BCL11A: variants seen among roughly 807,000 people sequenced by gnomAD.
BCL11A encodes BCL11 transcription factor A.
BCL11A carries 2 observed loss-of-function variants against 55.9 expected under a neutral mutation model. The observed-to-expected ratio is 0.04, with a 90% CI of 0.01 to 0.11. BCL11A has a LOEUF of 0.11. Among genes scored for constraint, BCL11A ranks in the 10% least tolerant of loss-of-function variants. The pLI is 1.00. For missense variants in BCL11A, 817 were observed against 1,137.1 expected, an observed-to-expected ratio of 0.72 and a Z score of 4.05; for synonymous variants, 465 against 473.4, an observed-to-expected ratio of 0.98 and a Z score of 0.23.
chr2:60,534,245 G>T, intron 2 of BCL11A: 1 of 152,416 alleles, frequency 6.6e-6, no homozygotes. Context: ...TTGGTGATGA[G>T]GGGAGGACAC....
chr2:60,462,558 C>T (rs1362929789), intron 3 of BCL11A, 134 bp from the exon 4 acceptor site: 17 of 1,417,750 alleles, frequency 1.2e-5, no homozygotes, highest in Non-Finnish European at 1.2e-5. Context: ...CACTGACCTA[C>T]CCCCTGTGCC....
intron 2 of BCL11A, among the ~76,000 whole-genome samples, chr2:60,510,172 C>G (rs1024343351): frequency 3.9e-5 from 6 of 152,218 alleles, no homozygotes; most frequent in Non-Finnish European, 8.8e-5. Context: ...AAGAGACTCT[C>G]TGGAAGCGCA....
intron 2 of BCL11A, among the ~76,000 whole-genome samples, chr2:60,481,900 C>A (rs760292066): frequency 4.6e-5 from 7 of 152,210 alleles, no homozygotes; most frequent in Non-Finnish European, 1.0e-4. Flanking sequence ...ACACAGACAG[C>A]CCCATGGAAA....
chr2:60,479,073 C>T (rs1303357373), intron 2 of BCL11A, among the ~76,000 whole-genome samples: 2 of 152,102 alleles, frequency 1.3e-5, no homozygotes, highest in African/African-American at 4.8e-5. Flanking sequence ...TGGAGATGCC[C>T]GCAGATACAA....
intron 2 of BCL11A, among the ~76,000 whole-genome samples, chr2:60,502,232 T>A (rs1679331627): frequency 6.6e-6 from 1 of 152,258 alleles, no homozygotes; most frequent in Non-Finnish European, 1.5e-5. Flanking sequence ...CAGTTTATGA[T>A]CCTGCTTTGT....
chr2:60,471,388 G>A (rs895187964), intron 2 of BCL11A, among the ~76,000 whole-genome samples: 4 of 152,250 alleles, frequency 2.6e-5, no homozygotes, highest in African/African-American at 9.6e-5. Context: ...GGGGACCCCA[G>A]CTGATTCTGC....
chr2:60,534,977 G>A (rs917972908), intron 2 of BCL11A: 5 of 152,120 alleles, frequency 3.3e-5, no homozygotes, highest in African/African-American at 1.2e-4. Context: ...AAGAATCTTG[G>A]TGCTATAAAC....
rs78194722 is a variant in BCL11A, at chr2:60,492,968, C to G, written c.386-24135G>C. Among the ~76,000 whole-genome samples the G allele has an allele frequency of 4.3e-3, 652 of 152,298 alleles. 5 individuals carry two copies. The highest frequency in any genetic ancestry group is 0.015 in the African/African-American group (627 of 41,558). Reference sequence around the variant, plus strand: ...CCAGTCTAGAAAGCCCCCTCATGCCCCTTTGCTGTCAATCCCCTTCCCTAA... The same window carrying G: ...CCAGTCTAGAAAGCCCCCTCATGCCGCTTTGCTGTCAATCCCCTTCCCTAA... On this transcript the variant is annotated intron_variant, in intron 2 of 3. Transcript: ENST00000642384.
At chr2:60,542,076 A>G in intron 2 of BCL11A, 1 of 537,912 alleles carries the variant, frequency 1.9e-6, no homozygotes, top group Non-Finnish European at 3.3e-6. Context: ...TATCTGTCTG[A>G]TATATCATTA....
At chr2:60,505,100 C>T (rs1241414311) in intron 2 of BCL11A, among the ~76,000 whole-genome samples, 1 of 152,106 alleles carries the variant, frequency 6.6e-6, no homozygotes, top group Admixed American at 6.5e-5. Flanking sequence ...CAGGGTTACT[C>T]ATGAGGTGAG....
intron 2 of BCL11A, among the ~76,000 whole-genome samples, chr2:60,482,025 T>G (rs765155292): frequency 3.3e-5 from 5 of 152,204 alleles, no homozygotes; most frequent in Non-Finnish European, 7.4e-5. Flanking sequence ...AGTGGAGGGC[T>G]TGTTTGTCAT....
intron 2 of BCL11A, among the ~76,000 whole-genome samples, chr2:60,506,531 G>A (rs964575603): frequency 7.2e-5 from 11 of 152,192 alleles, no homozygotes; most frequent in Non-Finnish European, 1.5e-4. Flanking sequence ...TCAGTGAGCC[G>A]GCCCCAGCTG....
chr2:60,504,905 C>A (rs1003538177), intron 2 of BCL11A, among the ~76,000 whole-genome samples: 8 of 152,014 alleles, frequency 5.3e-5, no homozygotes, highest in Non-Finnish European at 8.8e-5. Context: ...AGCGTCCCCC[C>A]AAAAAAACAG....
chr2:60,540,280 T>C (rs1669859665), intron 2 of BCL11A, among the ~76,000 whole-genome samples: 1 of 152,230 alleles, frequency 6.6e-6, no homozygotes, highest in Non-Finnish European at 1.5e-5. Flanking sequence ...TCCAGCTTGA[T>C]GCTAAGTGCT....
At chr2:60,536,672 G>A (rs557766614) in intron 2 of BCL11A, 1 of 152,164 alleles carries the variant, frequency 6.6e-6, no homozygotes. Context: ...CCCTATTAGA[G>A]CGTTTGCCTG....
chr2:60,529,683 C>A (rs1206097208), intron 2 of BCL11A, among the ~76,000 whole-genome samples: 1 of 152,120 alleles, frequency 6.6e-6, no homozygotes, highest in Non-Finnish European at 1.5e-5. Flanking sequence ...TTATTTGCTA[C>A]TAGAAAAGGA....
At chr2:60,548,330 CTTTTT>C (rs34428551) in intron 1 of BCL11A, among the ~76,000 whole-genome samples, 3 of 135,126 alleles carry the variant, frequency 2.2e-5, no homozygotes, top group Non-Finnish European at 3.2e-5. Flanking sequence ...CGTTAAGATT[CTTTTT>C]TTTTTTTTTT....
In BCL11A at chr2:60,459,132, A is replaced by G; in HGVS notation, c.*1272T>C. ...TAGTACCACGTTGTGCTAATAAATC[A>G]TATTATTTTCTTCTGTTCCCCTCTG... is the stretch of plus-strand genomic sequence containing the variant. On this transcript the variant is annotated 3_prime_UTR_variant, in exon 4 of 4. Coordinates refer to ENST00000642384, the MANE Select transcript of BCL11A (RefSeq NM_022893.4). 2.0e-6 allele frequency: 2 copies of G among 1,023,452 alleles called. No individual in the cohort carries two copies. Among genetic ancestry groups the G allele is most frequent in the Non-Finnish European group, 2.3e-6 (2 of 852,170 alleles). 63.4% of individuals were successfully genotyped at this position (1,023,452 alleles called of 1,614,324 possible).
chr2:60,501,507 T>C (rs1334283569), intron 2 of BCL11A, among the ~76,000 whole-genome samples: 7 of 84,794 alleles, frequency 8.3e-5, no homozygotes, highest in Non-Finnish European at 2.5e-5. Flanking sequence ...ACCGCTTTCT[T>C]TTTTTTTTTT....
Sources: gnomAD v4.1 joint callset for allele counts (sites outside exome capture counted in the v4.1 genomes callset) on GRCh38, gnomAD v4.1.1 for gene constraint, MANE v1.5 for transcripts, NCBI Gene and HGNC (gene_info 2026-07-23, HGNC 2026-07-21) for gene names.